The following G3BP2 variants were observed in gnomAD, a reference collection of about 807,000 sequenced individuals.
G3BP2 encodes the protein G3BP stress granule assembly factor 2.
A neutral mutation model predicts 56.7 loss-of-function variants in G3BP2; 11 were observed. The observed-to-expected ratio is 0.19, with a 90% CI of 0.12 to 0.32. The LOEUF is 0.32. G3BP2 is among the 10% of genes least tolerant of loss of function. The pLI is 1.00. For missense variants in G3BP2, 340 were observed against 610.9 expected, an observed-to-expected ratio of 0.56 and a Z score of 4.67; for synonymous variants, 165 against 191.6, an observed-to-expected ratio of 0.86 and a Z score of 1.15.
At chr4:75,654,759 A>C (rs1430771997) in intron 7 of G3BP2, among the ~76,000 whole-genome samples, 1 of 152,226 alleles carries the variant, frequency 6.6e-6, no homozygotes, top group Non-Finnish European at 1.5e-5. Context: ...TGCTCAGAGA[A>C]TTTAATACAG....
intron 3 of G3BP2, among the ~76,000 whole-genome samples, chr4:75,694,125 A>C (rs1718996619): frequency 2.0e-5 from 3 of 152,190 alleles, no homozygotes; most frequent in South Asian, 4.1e-4. Context: ...GAATGAATTA[A>C]AGTGGAAAAG....
rs1389288348 is a variant in G3BP2, at chr4:75,645,439, C to A, written c.1440G>T (p.Gln480His). 1 of 1,613,576 alleles carries A rather than the reference C, an allele frequency of 6.2e-7. No individual in the cohort carries two copies. The highest frequency in any genetic ancestry group is 8.5e-7 in the Non-Finnish European group (1 of 1,179,542). The change falls in exon 12 of 12, where the codon CAG becomes CAT. Residue 480 changes from glutamine (Q) to histidine (H), a missense_variant. Transcript: ENST00000359707. ...TGQMEGRFTGQRR is the reference protein window; with the variant it reads ...TGQMEGRFTGHRR ...TGCCAACAGTGGAGCTTCAGCGACG[C>A]TGTCCTGTGAAGCGGCCCTCCATTT... is the stretch of plus-strand genomic sequence containing the variant.
intron 7 of G3BP2, 24 bp from the exon 8 acceptor site, chr4:75,654,105 GACT>G: frequency 9.4e-7 from 1 of 1,063,774 alleles, no homozygotes; most frequent in Non-Finnish European, 1.5e-6. Context: ...AACAAACCTA[GACT>G]ACTAATCATG....
At position 75,673,065 on chromosome 4, in the gene G3BP2, G is replaced by C. The variant is rs1002846118; in HGVS notation, c.-25+143C>G. 7 of 1,009,674 alleles carry C rather than the reference G, an allele frequency of 6.9e-6. No individual in the cohort carries two copies. In the Admixed American group the frequency reaches 3.0e-4, roughly 43 times the overall value. 62.5% of individuals were successfully genotyped at this position (1,009,674 alleles called of 1,614,324 possible). A position where few individuals can be genotyped will look rare whatever the true frequency, so the allele number is the denominator to read the frequency against. On this transcript the variant is annotated intron_variant, in intron 1 of 11. Transcript: ENST00000359707. ...TCTCACGCACACACGGCACCGTAGG[G>C]AGCCGGCAAGAACAATGTCTCTGCC...
intron 3 of G3BP2, among the ~76,000 whole-genome samples, 171 bp from the exon 4 acceptor site, chr4:75,657,901 AG>A: frequency 6.6e-6 from 1 of 152,356 alleles, no homozygotes; most frequent in East Asian, 1.9e-4. Context: ...TTCCTAAAGA[AG>A]AAATCACAAT....
chr4:75,660,498 A>G (rs913544675), intron 2 of G3BP2, among the ~76,000 whole-genome samples: 2 of 152,176 alleles, frequency 1.3e-5, no homozygotes, highest in Non-Finnish European at 2.9e-5. Context: ...ACTAACCTCA[A>G]CTGTCTAATA....
chr4:75,706,539 T>A (rs1719552301), intron 3 of G3BP2, among the ~76,000 whole-genome samples: 1 of 151,890 alleles, frequency 6.6e-6, no homozygotes, highest in Admixed American at 6.6e-5. Context: ...TAGCGGGGCG[T>A]GGTGGCGCAT....
chr4:75,674,718 A>ATATATATATATATATTTT (rs1241041465), upstream of G3BP2, among the ~76,000 whole-genome samples: 1 of 71,432 alleles, frequency 1.4e-5, no homozygotes, highest in African/African-American at 5.9e-5. Context: ...ATATATATAT[A>ATATATATATATATATTTT]TTTTTTTTTT....
upstream of G3BP2, among the ~76,000 whole-genome samples, chr4:75,675,761 C>T (rs542444566): frequency 6.6e-6 from 1 of 152,276 alleles, no homozygotes; most frequent in East Asian, 1.9e-4. Flanking sequence ...TATTGCACTC[C>T]AGCCTGGGTG....
chr4:75,695,025 AGTATC>A, intron 3 of G3BP2: 2 of 675,874 alleles, frequency 3.0e-6, no homozygotes, highest in Non-Finnish European at 3.7e-6. Flanking sequence ...CTCAAGAGCC[AGTATC>A]CAGAAGACTC....
chr4:75,719,373 T>G (rs1485939022), intron 3 of G3BP2, among the ~76,000 whole-genome samples: 1 of 149,014 alleles, frequency 6.7e-6, no homozygotes, highest in Non-Finnish European at 1.5e-5. Flanking sequence ...AAAAAGAAAT[T>G]GATAATACCG....
intron 3 of G3BP2, among the ~76,000 whole-genome samples, chr4:75,719,612 C>T (rs1720067998): frequency 6.6e-6 from 1 of 152,006 alleles, no homozygotes; most frequent in Admixed American, 6.5e-5. Flanking sequence ...TTTTTTGAGA[C>T]GGAGTTTCGC....
At chr4:75,705,739 T>C (rs1201017827) in intron 3 of G3BP2, among the ~76,000 whole-genome samples, 2 of 152,040 alleles carry the variant, frequency 1.3e-5, no homozygotes, top group African/African-American at 4.8e-5. Flanking sequence ...GCGGGGGCCT[T>C]AAAAAGAACG....
intron 3 of G3BP2, among the ~76,000 whole-genome samples, chr4:75,699,177 T>C (rs527840246): frequency 4.6e-5 from 7 of 152,156 alleles, no homozygotes; most frequent in African/African-American, 1.7e-4. Flanking sequence ...ACTGGCTCAT[T>C]TGTACCAGCA....
upstream of G3BP2, among the ~76,000 whole-genome samples, chr4:75,674,715 T>TAG (rs1733782052): frequency 2.0e-5 from 1 of 49,372 alleles, no homozygotes; most frequent in African/African-American, 6.7e-5. Context: ...TATATATATA[T>TAG]ATATTTTTTT....
rs1377594400 is a variant in G3BP2 at position 75,673,250 on chromosome 4, A to G, written c.-67T>C. Reference sequence around the variant, plus strand: ...GGCGGGTACGTCGCGCGGAGGTCAGAAGAGTCGCTGAGGACCGGGTGCGGC... The same window carrying G: ...GGCGGGTACGTCGCGCGGAGGTCAGGAGAGTCGCTGAGGACCGGGTGCGGC... On this transcript the variant is annotated 5_prime_UTR_variant, in exon 1 of 12. Transcript: ENST00000359707. 1 of 1,221,818 alleles carries G rather than the reference A, an allele frequency of 8.2e-7. No homozygotes were observed. Among genetic ancestry groups the G allele is most frequent in the Non-Finnish European group, 1.0e-6 (1 of 981,816 alleles). 75.7% of individuals were successfully genotyped at this position (1,221,818 alleles called of 1,614,324 possible). A position where few individuals can be genotyped will look rare whatever the true frequency, so the allele number is the denominator to read the frequency against.
chr4:75,663,553 T>A (rs978517675), intron 1 of G3BP2, among the ~76,000 whole-genome samples: 1 of 152,128 alleles, frequency 6.6e-6, no homozygotes. Flanking sequence ...ACAAAACTTA[T>A]CATTTACTGT....
chr4:75,654,792 C>A, intron 7 of G3BP2: 1 of 354,950 alleles, frequency 2.8e-6, no homozygotes, highest in Non-Finnish European at 5.0e-6. Context: ...ACTGACAGCT[C>A]TATACATGGA....
chr4:75,680,964 CT>C (rs1335789467), intron 3 of G3BP2, among the ~76,000 whole-genome samples: 3 of 140,948 alleles, frequency 2.1e-5, no homozygotes, highest in African/African-American at 8.0e-5. Flanking sequence ...AAGACCCCGT[CT>C]CAAAAAATAA....
Sources: gnomAD v4.1 joint callset for allele counts (sites outside exome capture counted in the v4.1 genomes callset) on GRCh38, gnomAD v4.1.1 for gene constraint, MANE v1.5 for transcripts, NCBI Gene and HGNC (gene_info 2026-07-23, HGNC 2026-07-21) for gene names.